The following APBB2 variants were observed in gnomAD, a reference collection of about 807,000 sequenced individuals.
The protein encoded by APBB2 is amyloid beta precursor protein binding family B member 2, also known as Fe65-like 1.
APBB2 carries 38 observed loss-of-function variants against 82.5 expected under a neutral mutation model. That is an observed-to-expected ratio of 0.46 (90% CI 0.36 to 0.60). The LOEUF (loss-of-function observed/expected upper bound fraction) is 0.60. APBB2 is among the 20% of genes least tolerant of loss of function. APBB2 has a pLI of 0.00. For synonymous variants in APBB2, 341 were observed against 368.2 expected, an observed-to-expected ratio of 0.93 and a Z score of 0.85; for missense variants, 772 against 972.3, an observed-to-expected ratio of 0.79 and a Z score of 2.74.
chr4:41,032,947 G>A (rs527564982), intron 5 of APBB2, among the ~76,000 whole-genome samples: 1 of 150,712 alleles, frequency 6.6e-6, no homozygotes, highest in Non-Finnish European at 1.5e-5. Context: ...ACCATGCCCG[G>A]CTAATTTTTG....
intron 2 of APBB2, among the ~76,000 whole-genome samples, chr4:41,140,152 T>C (rs775742707): frequency 6.6e-6 from 1 of 152,238 alleles, no homozygotes; most frequent in Non-Finnish European, 1.5e-5. Flanking sequence ...ACTGAGGTTC[T>C]GGTGAGAACA....
At chr4:41,122,344 T>G (rs1489652336) in intron 2 of APBB2, among the ~76,000 whole-genome samples, 1 of 152,210 alleles carries the variant, frequency 6.6e-6, no homozygotes, top group Non-Finnish European at 1.5e-5. Flanking sequence ...TGACTTTTTT[T>G]GAAAATTTTT....
At chr4:40,932,562 C>CT (rs1280225405) in intron 10 of APBB2, among the ~76,000 whole-genome samples, 1 of 152,112 alleles carries the variant, frequency 6.6e-6, no homozygotes, top group African/African-American at 2.4e-5. Context: ...TGCGATGTTA[C>CT]TTGTAGACAC....
chr4:41,003,005 T>C (rs1454724258), intron 6 of APBB2, among the ~76,000 whole-genome samples: 1 of 152,212 alleles, frequency 6.6e-6, no homozygotes. Flanking sequence ...TAAGCTTTGA[T>C]CAAAGGAATA....
intron 2 of APBB2, among the ~76,000 whole-genome samples, chr4:41,107,064 C>G (rs956861320): frequency 1.3e-5 from 2 of 152,066 alleles, no homozygotes; most frequent in African/African-American, 4.8e-5. Flanking sequence ...CATCTTAGCA[C>G]TCTGGGAGGC....
Position 41,034,818 on chromosome 4 carries a change from G to C in APBB2, c.-50-1514C>G, listed in dbSNP as rs1379415037. 2.0e-5 allele frequency among the ~76,000 whole-genome samples: 3 copies of C among 152,216 alleles called. No homozygotes were observed. The South Asian group carries it at 6.2e-4, about 32-fold the overall frequency. ...TAGAAAGATCTAGAAATACTGGTAA[G>C]CTGCCAGTTTAACAAAATAATACAT... is the stretch of plus-strand genomic sequence containing the variant. On this transcript the variant is annotated intron_variant, in intron 4 of 17. Transcript: ENST00000508593.
chr4:40,816,900 A>G (rs1006191932), intron 17 of APBB2, among the ~76,000 whole-genome samples: 3 of 152,206 alleles, frequency 2.0e-5, no homozygotes, highest in African/African-American at 7.2e-5. Context: ...AGGTATTAAG[A>G]TTTCAAGATA....
chr4:40,995,385 C>CT (rs1803353303), intron 6 of APBB2, among the ~76,000 whole-genome samples: 4 of 151,668 alleles, frequency 2.6e-5, no homozygotes, highest in Non-Finnish European at 5.9e-5. Context: ...AGAAATGGAT[C>CT]TTTTTTTTGA....
Position 41,027,326 on chromosome 4 carries a change from C to CATTTTTTGT in APBB2, c.19+5909_19+5910insACAAAAAAT, listed in dbSNP as rs767523396. ...GAGTACAGTAACTTTTTTGTACATA[C>CATTTTTTGT]ACACACACATTTTTATATTTTTATA... On this transcript the variant is annotated intron_variant, in intron 5 of 17. Coordinates refer to ENST00000508593, the MANE Select transcript of APBB2 (RefSeq NM_004307.2). Among the ~76,000 whole-genome samples, 474 of 148,506 alleles carry CATTTTTTGT rather than the reference C, an allele frequency of 3.2e-3. 2 individuals carry two copies. The highest frequency in any genetic ancestry group is 4.8e-3 in the Non-Finnish European group (324 of 67,368).
chr4:41,063,990 T>G (rs1388992472), intron 4 of APBB2, among the ~76,000 whole-genome samples: 3 of 123,008 alleles, frequency 2.4e-5, no homozygotes, highest in Admixed American at 1.0e-4. Flanking sequence ...AGAATCTCGC[T>G]GTGTCGCCCA....
At chr4:41,082,380 A>C (rs1213312370) in intron 3 of APBB2, among the ~76,000 whole-genome samples, 4 of 152,134 alleles carry the variant, frequency 2.6e-5, no homozygotes, top group Non-Finnish European at 5.9e-5. Flanking sequence ...TTTAACTTTG[A>C]TTCCTTAGCT....
intron 10 of APBB2, among the ~76,000 whole-genome samples, chr4:40,901,523 T>G (rs538558911): frequency 1.3e-5 from 2 of 151,678 alleles, no homozygotes; most frequent in Admixed American, 1.3e-4. Context: ...TGTTGTTTTT[T>G]GTTTTTGAGA....
At chr4:40,992,696 A>G (rs2154411974) in intron 6 of APBB2, among the ~76,000 whole-genome samples, 1 of 152,298 alleles carries the variant, frequency 6.6e-6, no homozygotes, top group East Asian at 1.9e-4. Context: ...GTATGAAGCC[A>G]GCGAGCAGGA....
At chr4:41,090,684 G>C (rs943919412) in intron 3 of APBB2, among the ~76,000 whole-genome samples, 1 of 152,144 alleles carries the variant, frequency 6.6e-6, no homozygotes, top group Non-Finnish European at 1.5e-5. Flanking sequence ...GGACATTTTT[G>C]ATATTGAAAG....
chr4:40,906,252 C>T (rs1209432847), intron 10 of APBB2, among the ~76,000 whole-genome samples: 19 of 151,498 alleles, frequency 1.3e-4, no homozygotes, highest in Admixed American at 1.2e-3. Flanking sequence ...CCCAGGAGTT[C>T]GAGACCAGCT....
intron 6 of APBB2, among the ~76,000 whole-genome samples, chr4:41,002,260 T>G (rs868674901): frequency 6.6e-6 from 1 of 152,342 alleles, no homozygotes. Flanking sequence ...AGCTAATGTT[T>G]TCCCTCTTCT....
At chr4:41,146,323 C>CAAA (rs35546477) in intron 1 of APBB2, among the ~76,000 whole-genome samples, 10 of 58,328 alleles carry the variant, frequency 1.7e-4, no homozygotes, top group African/African-American at 2.8e-4. Context: ...AAGACTGTCT[C>CAAA]AAAAAAAAAA....
intron 5 of APBB2, among the ~76,000 whole-genome samples, 165 bp downstream of exon 5, chr4:41,033,071 C>A (rs891226790): frequency 2.0e-5 from 3 of 152,060 alleles, no homozygotes; most frequent in Non-Finnish European, 4.4e-5. Flanking sequence ...GCGTGAGCCA[C>A]CGCGCCCGGC....
rs1417857093 is a variant in APBB2, at chr4:41,202,199, C to T, written c.-417+12206G>A. On this transcript the variant is annotated intron_variant, in intron 1 of 17. Transcript: ENST00000508593. The stretch of plus-strand genomic sequence containing the variant: ...CGTCTTCCCCAACTAAAATTCTGTA[C>T]ATATTAAACAGTAACTCTCCATTCC... 3.9e-5 allele frequency among the ~76,000 whole-genome samples: 6 copies of T among 152,216 alleles called. 1 individual carries two copies. In the South Asian group the frequency reaches 8.3e-4, roughly 21 times the overall value.
Sources: allele counts gnomAD v4.1 joint callset (sites outside exome capture counted in the v4.1 genomes callset), GRCh38; gene constraint gnomAD v4.1.1; transcripts MANE v1.5; gene names NCBI Gene and HGNC (gene_info 2026-07-23, HGNC 2026-07-21).